Variants in DNER observed in about 807,000 individuals in gnomAD.
DNER encodes the protein delta and Notch-like epidermal growth factor-related receptor.
Under a neutral mutation model 78.2 loss-of-function variants are expected in DNER, and 33 were observed. The observed-to-expected ratio is 0.42, with a 90% CI of 0.32 to 0.56. The LOEUF (loss-of-function observed/expected upper bound fraction) is 0.56. Ranked by LOEUF, DNER falls within the 20% of genes least tolerant of loss-of-function variation. DNER has a pLI of 0.11. For synonymous variants in DNER, 417 were observed against 384.8 expected (o/e 1.08, Z -0.98); for missense variants, 918 against 975.3 (o/e 0.94, Z 0.78).
intron 4 of DNER, among the ~76,000 whole-genome samples, chr2:229,564,339 CCATCAT>C (rs759187267): frequency 1.9e-3 from 274 of 140,700 alleles, no homozygotes; most frequent in Non-Finnish European, 3.4e-3. Context: ...CACCCCATCA[CCATCAT>C]CATCATCATC....
At chr2:229,504,670 A>G (rs1330057419) in intron 6 of DNER, among the ~76,000 whole-genome samples, 1 of 152,250 alleles carries the variant, frequency 6.6e-6, no homozygotes, top group Non-Finnish European at 1.5e-5. Flanking sequence ...TTTGACATGG[A>G]AATGCTGAAG....
intron 7 of DNER, among the ~76,000 whole-genome samples, chr2:229,448,587 T>C (rs1376203781): frequency 6.6e-6 from 1 of 152,216 alleles, no homozygotes; most frequent in Admixed American, 6.5e-5. Flanking sequence ...TTCTTTTAAA[T>C]ATGGTTACTG....
chr2:229,445,388 A>C (rs1484786258), intron 8 of DNER, among the ~76,000 whole-genome samples: 1 of 152,204 alleles, frequency 6.6e-6, no homozygotes, highest in Non-Finnish European at 1.5e-5. Context: ...ACAGTGGAGA[A>C]ACTGTTTCAC....
chr2:229,418,266 A>T (rs773136102), intron 8 of DNER, 36 bp from the exon 9 acceptor site: 1 of 1,612,946 alleles, frequency 6.2e-7, no homozygotes, highest in Admixed American at 1.7e-5. Flanking sequence ...TGTCAAATGC[A>T]TCCCATTTAC....
intron 1 of DNER, among the ~76,000 whole-genome samples, chr2:229,711,689 G>T (rs559847140): frequency 6.6e-6 from 1 of 152,088 alleles, no homozygotes; most frequent in Non-Finnish European, 1.5e-5. Context: ...GAGGAGTGAC[G>T]CTCTGTTAAA....
At chr2:229,676,880 A>G (rs772768930) in intron 1 of DNER, among the ~76,000 whole-genome samples, 53 of 152,142 alleles carry the variant, frequency 3.5e-4, no homozygotes, top group Non-Finnish European at 1.2e-4. Flanking sequence ...ACAGTAATAT[A>G]CAGCCTGCAG....
At chr2:229,705,867 C>T (rs1197764256) in intron 1 of DNER, among the ~76,000 whole-genome samples, 1 of 152,176 alleles carries the variant, frequency 6.6e-6, no homozygotes, top group Non-Finnish European at 1.5e-5. Flanking sequence ...TTAAGATGCT[C>T]ACCCACACCC....
rs1234409996 is a variant in DNER, at chr2:229,515,642, TTTTTA to T, written c.994-2711_994-2707del. Among the ~76,000 whole-genome samples the T allele has an allele frequency of 1.1e-4, 12 of 104,990 alleles. 2 individuals are homozygous for T. The highest frequency in any genetic ancestry group is 1.6e-4 in the Non-Finnish European group (8 of 49,278). 68.9% of individuals were successfully genotyped at this position (104,990 alleles called of 152,430 possible). On this transcript the variant is annotated intron_variant, in intron 5 of 12. Coordinates refer to ENST00000341772, the MANE Select transcript of DNER (RefSeq NM_139072.4). Reference sequence around the variant, plus strand: ...CAAATATCTTCAAGTTAGCTTTATTTTTTTATTTTTTTTTTTTTGAGACAGTCTCA... The same window carrying T: ...CAAATATCTTCAAGTTAGCTTTATTTTTTTTTTTTTTTTGAGACAGTCTCA...
Position 229,591,789 on chromosome 2 carries a change from C to T in DNER, c.376G>A (p.Gly126Ser). The change falls in exon 2 of 13, where the codon GGC becomes AGC. Residue 126 changes from glycine to serine, a missense_variant. Transcript: ENST00000341772. The surrounding 1 kb of genome is among the most constrained non-coding windows in gnomAD (Gnocchi z 4.6). ...SDGYLCICNE[G>S]YEGPNCEQAL... ...TGTTCACAGTTGGGACCTTCATAGC[C>T]TTCATTGCAAATGCAGAGGTAGCCA... 6.2e-7 allele frequency: 1 copy of T among 1,614,050 alleles called. No individual in the cohort carries two copies. The highest frequency in any genetic ancestry group is 8.5e-7 in the Non-Finnish European group (1 of 1,179,986).
chr2:229,706,195 A>G (rs1699823663), intron 1 of DNER, among the ~76,000 whole-genome samples: 2 of 152,090 alleles, frequency 1.3e-5, no homozygotes, highest in South Asian at 2.1e-4. Flanking sequence ...CTTTCCACCA[A>G]TGTTTACGGA....
chr2:229,603,567 T>C (rs935963413), intron 1 of DNER, among the ~76,000 whole-genome samples: 2 of 152,138 alleles, frequency 1.3e-5, no homozygotes, highest in South Asian at 2.1e-4. Flanking sequence ...GTGTAAAGAA[T>C]ATAAACAGCA....
intron 6 of DNER, among the ~76,000 whole-genome samples, chr2:229,507,255 C>T (rs181116357): frequency 2.4e-4 from 36 of 152,170 alleles, no homozygotes; most frequent in Non-Finnish European, 4.9e-4. Context: ...ACTGTTTATG[C>T]GGTCCATCAC....
At chr2:229,416,966 A>G (rs906556392) in intron 9 of DNER, among the ~76,000 whole-genome samples, 4 of 152,314 alleles carry the variant, frequency 2.6e-5, no homozygotes, top group African/African-American at 9.6e-5. Flanking sequence ...GGTTGAAGAT[A>G]TGTAGAGAGA....
In DNER at chr2:229,703,997, G is replaced by A. The variant is rs996807076; in HGVS notation, c.276+10151C>T. Among the ~76,000 whole-genome samples the A allele has an allele frequency of 2.6e-5, 4 of 151,812 alleles. No individual in the cohort carries two copies. In the South Asian group the frequency reaches 8.3e-4, roughly 32 times the overall value. ...ATTTGCAAATCGCATATCAAGTAAG[G>A]GATTTGAATTTGAATCAGAAATATG... On this transcript the variant is annotated intron_variant, in intron 1 of 12. Transcript: ENST00000341772.
intron 4 of DNER, among the ~76,000 whole-genome samples, chr2:229,551,923 T>G (rs1298383939): frequency 6.6e-6 from 1 of 151,140 alleles, no homozygotes; most frequent in Non-Finnish European, 1.5e-5. Context: ...AGAGTGAGAC[T>G]CCATCTCAAA....
At chr2:229,523,906 T>G (rs1185362547) in intron 5 of DNER, among the ~76,000 whole-genome samples, 1 of 152,244 alleles carries the variant, frequency 6.6e-6, no homozygotes, top group Non-Finnish European at 1.5e-5. Flanking sequence ...AGAGAAAATG[T>G]CTGTGTCATT....
At position 229,477,124 on chromosome 2, in the gene DNER, A is replaced by G. The variant is rs1317112856; in HGVS notation, c.1261+16T>C. 5.0e-6 allele frequency: 8 copies of G among 1,598,280 alleles called. No homozygotes were observed. In the South Asian group the frequency reaches 8.9e-5, roughly 18 times the overall value. ...AAATGAAAAAAGTTCTTTCTGGAGT[A>G]ATAAATACTAATTACCTTCTGGACA... On this transcript the variant is annotated intron_variant, in intron 7 of 12. Coordinates refer to ENST00000341772, the MANE Select transcript of DNER (RefSeq NM_139072.4).
intron 1 of DNER, among the ~76,000 whole-genome samples, chr2:229,658,591 A>G (rs1356123559): frequency 6.6e-6 from 1 of 152,220 alleles, no homozygotes; most frequent in African/African-American, 2.4e-5. Flanking sequence ...AGCACTCACA[A>G]TGTGCCTGTT....
intron 6 of DNER, among the ~76,000 whole-genome samples, chr2:229,508,083 A>C (rs1162414145): frequency 6.6e-6 from 1 of 152,196 alleles, no homozygotes; most frequent in Non-Finnish European, 1.5e-5. Context: ...GTTCAGCATG[A>C]TTAGTGTTCA....
Sources: allele counts gnomAD v4.1 joint callset (sites outside exome capture counted in the v4.1 genomes callset), GRCh38; gene constraint gnomAD v4.1.1; non-coding constraint Gnocchi (gnomAD v3.1); transcripts MANE v1.5; gene names NCBI Gene and HGNC (gene_info 2026-07-23, HGNC 2026-07-21).